The following USP34 variants were observed in gnomAD, a reference collection of about 807,000 sequenced individuals.
USP34 encodes the protein ubiquitin carboxyl-terminal hydrolase 34.
In USP34, 70 loss-of-function variants were observed where a neutral mutation model predicts 460.3. The ratio of observed to expected loss-of-function variants is 0.15; its 90% CI spans 0.13 to 0.19. The LOEUF is 0.19. USP34 is among the 10% of genes least tolerant of loss of function. The pLI, the probability that USP34 is intolerant of heterozygous loss-of-function variation, is 1.00. For synonymous variants in USP34, 1,647 were observed against 1,405.3 expected, an observed-to-expected ratio of 1.17 and a Z score of -3.85; for missense variants, 3,985 against 4,236.2, an observed-to-expected ratio of 0.94 and a Z score of 1.65.
intron 3 of USP34, 42 bp downstream of exon 3, chr2:61,405,666 G>A: frequency 6.8e-7 from 1 of 1,475,976 alleles, no homozygotes; most frequent in Non-Finnish European, 9.0e-7. Context: ...GCGAAGTTAA[G>A]ACTTGGTATT....
At chr2:61,410,237 A>G (rs781715948) in intron 2 of USP34, among the ~76,000 whole-genome samples, 8 of 152,214 alleles carry the variant, frequency 5.3e-5, no homozygotes, top group Non-Finnish European at 1.2e-4. Context: ...TCCTACAACT[A>G]GACGGTACCA....
chr2:61,437,078 T>C (rs1257065076), intron 1 of USP34, among the ~76,000 whole-genome samples: 1 of 152,152 alleles, frequency 6.6e-6, no homozygotes, highest in African/African-American at 2.4e-5. Flanking sequence ...TAGTAATAAA[T>C]GCCTATGCCA....
At chr2:61,352,736 AC>A (rs1271236049) in intron 10 of USP34, among the ~76,000 whole-genome samples, 1 of 151,988 alleles carries the variant, frequency 6.6e-6, no homozygotes, top group Non-Finnish European at 1.5e-5. Context: ...TCCACAGTAC[AC>A]AAAAAATATT....
At position 61,188,715 on chromosome 2, in the gene USP34, A is replaced by G; in HGVS notation, c.10034-6T>C. 6.2e-7 allele frequency: 1 copy of G among 1,609,182 alleles called. No homozygotes were observed. Among genetic ancestry groups the G allele is most frequent in the East Asian group, 2.2e-5 (1 of 44,830 alleles). On this transcript the variant is annotated splice_polypyrimidine_tract_variant and splice_region_variant and intron_variant, in intron 79 of 79. Transcript: ENST00000398571. ...GGGAGTTGCTCCTTCATCATCTGTG[A>G]AAACACATGCCAAAAGGGAAACTTC...
intron 29 of USP34, among the ~76,000 whole-genome samples, chr2:61,299,121 G>A (rs565356604): frequency 1.3e-5 from 2 of 151,946 alleles, no homozygotes; most frequent in Non-Finnish European, 2.9e-5. Context: ...GTATTTCTTG[G>A]GAATTTAAGA....
intron 1 of USP34, among the ~76,000 whole-genome samples, chr2:61,444,649 T>C (rs1695057330): frequency 6.6e-6 from 1 of 152,092 alleles, no homozygotes; most frequent in Admixed American, 6.6e-5. Flanking sequence ...ATCTTAAAAC[T>C]GAGCAAATGA....
intron 1 of USP34, among the ~76,000 whole-genome samples, chr2:61,466,099 G>GT (rs1390099107): frequency 6.6e-6 from 1 of 151,912 alleles, no homozygotes; most frequent in Admixed American, 6.6e-5. Flanking sequence ...GAAGGAATAA[G>GT]TACTACTACA....
rs1354284667 is a variant in USP34 at position 61,280,348 on chromosome 2, T to C, written c.5152A>G (p.Ile1718Val). Residue 1718 changes from isoleucine to valine, a missense_variant and splice_region_variant, in exon 39 of 80, where the codon ATA becomes GTA. Transcript: ENST00000398571. ...ATTGGTTCTTCCTCATAATCATCTA[T>C]CTATTAAAAAAATTTTATACTTTGT... Reference protein sequence around the residue: ...PDAQALKPIRIDDYEEEPILK... With the variant: ...PDAQALKPIRVDDYEEEPILK... 7 of 1,455,154 alleles carry C rather than the reference T, an allele frequency of 4.8e-6. No homozygotes were observed. The highest frequency in any genetic ancestry group is 1.5e-5 in the African/African-American group (1 of 68,442). 90.1% of individuals were successfully genotyped at this position (1,455,154 alleles called of 1,614,324 possible). A position where few individuals can be genotyped will look rare whatever the true frequency, so the allele number is the denominator to read the frequency against.
intron 51 of USP34, among the ~76,000 whole-genome samples, chr2:61,244,864 T>TTG (rs1227446186): frequency 8.9e-4 from 135 of 152,274 alleles, no homozygotes; most frequent in African/African-American, 3.2e-3. Flanking sequence ...TCAAAGATTT[T>TTG]TCAGATTAAG....
At chr2:61,353,608 T>C (rs1326373921) in intron 10 of USP34, among the ~76,000 whole-genome samples, 6 of 151,944 alleles carry the variant, frequency 3.9e-5, no homozygotes, top group Admixed American at 1.3e-4. Context: ...TTTTTGTATT[T>C]TTAGTGAAGA....
intron 14 of USP34, 55 bp from the exon 15 acceptor site, chr2:61,348,535 G>GT: frequency 6.4e-7 from 1 of 1,556,234 alleles, no homozygotes; most frequent in Non-Finnish European, 8.6e-7. Context: ...AAGAAAAAAG[G>GT]TAACCAACAT....
At chr2:61,305,800 T>C (rs1690384823) in intron 27 of USP34, among the ~76,000 whole-genome samples, 1 of 152,092 alleles carries the variant, frequency 6.6e-6, no homozygotes, top group Non-Finnish European at 1.5e-5. Context: ...CGTCGTTGGC[T>C]GTAAAGGACA....
intron 15 of USP34, chr2:61,346,485 C>G (rs182972105): frequency 2.9e-5 from 4 of 136,824 alleles, no homozygotes; most frequent in African/African-American, 1.1e-4. Context: ...ATGATCACAT[C>G]ACTGCACTAC....
At chr2:61,272,502 A>G (rs1223054550) in intron 41 of USP34, among the ~76,000 whole-genome samples, 2 of 151,898 alleles carry the variant, frequency 1.3e-5, no homozygotes, top group Non-Finnish European at 2.9e-5. Flanking sequence ...TGTGAGCTCT[A>G]CCTTCAATAA....
At chr2:61,438,735 A>G (rs1470688452) in intron 1 of USP34, among the ~76,000 whole-genome samples, 2 of 152,204 alleles carry the variant, frequency 1.3e-5, no homozygotes, top group African/African-American at 4.8e-5. Flanking sequence ...AGAAAGATAA[A>G]AGCTTTTCCT....
intron 43 of USP34, among the ~76,000 whole-genome samples, chr2:61,262,431 T>A (rs773116213): frequency 2.6e-5 from 4 of 152,144 alleles, no homozygotes; most frequent in Non-Finnish European, 4.4e-5. Flanking sequence ...TGAGAACATA[T>A]GGTATTTGGT....
At chr2:61,390,455 C>T (rs1468471342) in intron 5 of USP34, among the ~76,000 whole-genome samples, 1 of 152,164 alleles carries the variant, frequency 6.6e-6, no homozygotes, top group African/African-American at 2.4e-5. Context: ...AAGAAAACTA[C>T]ATAAAAAGCT....
intron 62 of USP34, among the ~76,000 whole-genome samples, chr2:61,224,367 G>C (rs1687671152): frequency 6.6e-6 from 1 of 152,238 alleles, no homozygotes; most frequent in East Asian, 1.9e-4. Flanking sequence ...TAAACTGGTA[G>C]TCAGATCCAG....
intron 1 of USP34, among the ~76,000 whole-genome samples, chr2:61,455,823 C>T (rs763464121): frequency 1.3e-5 from 2 of 152,156 alleles, no homozygotes; most frequent in Non-Finnish European, 2.9e-5. Context: ...ATTCACTCCT[C>T]ACAAAATCCC....
Sources: gnomAD v4.1 joint callset for allele counts (sites outside exome capture counted in the v4.1 genomes callset) on GRCh38, gnomAD v4.1.1 for gene constraint, MANE v1.5 for transcripts, NCBI Gene and HGNC (gene_info 2026-07-23, HGNC 2026-07-21) for gene names.